SLCO1A2: variants seen among roughly 807,000 people sequenced by gnomAD.
SLCO1A2 encodes the protein solute carrier organic anion transporter family member 1A2, also known as OATP-1.
SLCO1A2 carries 67 observed loss-of-function variants against 69.0 expected under a neutral mutation model. That is an observed-to-expected ratio of 0.97 (90% CI 0.80 to 1.19). SLCO1A2 has a LOEUF of 1.19. SLCO1A2 is among the 50% of genes most tolerant of loss of function. SLCO1A2 has a pLI of 0.00. For synonymous variants in SLCO1A2, 260 were observed against 265.9 expected (o/e 0.98, Z 0.22); for missense variants, 787 against 793.7 (o/e 0.99, Z 0.10).
chr12:21,388,930 T>C (rs1160386324), intron 1 of SLCO1A2, among the ~76,000 whole-genome samples: 2 of 152,218 alleles, frequency 1.3e-5, no homozygotes, highest in South Asian at 4.1e-4. Flanking sequence ...CTAGACCCTT[T>C]TGTACCTCAT....
rs201167395 is a variant in SLCO1A2, at chr12:21,360,014, G to GT, written c.-63+14384dup. On this transcript the variant is annotated intron_variant, in intron 2 of 15. Coordinates refer to the SLCO1A2 transcript ENST00000307378. ...ATAAATTTCAAAATCATTATGCTAT[G>GT]TAAAAAAAAAAAGTCAGGCAAAAAG... 8.5e-3 allele frequency among the ~76,000 whole-genome samples: 1,283 copies of GT among 151,538 alleles called. 6 individuals carry two copies. The highest frequency in any genetic ancestry group is 0.015 in the Admixed American group (224 of 15,234).
intron 2 of SLCO1A2, among the ~76,000 whole-genome samples, chr12:21,369,558 G>A (rs1286714602): frequency 4.6e-5 from 7 of 152,194 alleles, no homozygotes; most frequent in African/African-American, 1.7e-4. Flanking sequence ...CCACCGTAGA[G>A]GTGTGAAGAT....
intron 4 of SLCO1A2, 131 bp from the exon 5 acceptor site, chr12:21,307,119 T>A: frequency 1.8e-6 from 1 of 563,488 alleles, no homozygotes; most frequent in Non-Finnish European, 3.0e-6. Flanking sequence ...CTTTTCATCC[T>A]TGGCATCCAA....
chr12:21,271,147 T>G (rs958331276), intron 14 of SLCO1A2, among the ~76,000 whole-genome samples: 1 of 151,834 alleles, frequency 6.6e-6, no homozygotes, highest in African/African-American at 2.4e-5. Flanking sequence ...ATTGTGAAGT[T>G]CTGAGTGAAT....
upstream of SLCO1A2, among the ~76,000 whole-genome samples, chr12:21,337,494 T>C (rs1487691337): frequency 6.6e-6 from 1 of 151,786 alleles, no homozygotes; most frequent in Non-Finnish European, 1.5e-5. Context: ...TAGTAGTACA[T>C]ACATGAAGAA....
At chr12:21,387,570 A>T (rs955145795) in intron 1 of SLCO1A2, among the ~76,000 whole-genome samples, 1 of 152,212 alleles carries the variant, frequency 6.6e-6, no homozygotes, top group Non-Finnish European at 1.5e-5. Context: ...CACAGAAGTC[A>T]AGAATTGAGG....
At chr12:21,312,015 G>A (rs60669991) in intron 4 of SLCO1A2, among the ~76,000 whole-genome samples, 10,016 of 149,132 alleles carry the variant, frequency 0.067, 1,100 homozygotes, top group African/African-American at 0.23. Flanking sequence ...AAGAAGAGGA[G>A]GAGGGAGGAG....
chr12:21,319,649 G>A lies in SLCO1A2; in HGVS notation c.61-726C>T, dbSNP rs760180169. On this transcript the variant is annotated intron_variant, in intron 2 of 14. Transcript: ENST00000683939. ...TTTTGGGAAGCTTTCCTGAACCTTGGAGAATCAGCTCACCTGGACCATTGG... is the reference window on the plus strand; with the variant it reads ...TTTTGGGAAGCTTTCCTGAACCTTGAAGAATCAGCTCACCTGGACCATTGG... 110 of 367,328 alleles carry A rather than the reference G, an allele frequency of 3.0e-4. 1 individual carries two copies. Among genetic ancestry groups the A allele is most frequent in the Admixed American group, 2.5e-4 (7 of 27,666 alleles). 22.8% of individuals were successfully genotyped at this position (367,328 alleles called of 1,614,324 possible). A position where few individuals can be genotyped will look rare whatever the true frequency, so the allele number is the denominator to read the frequency against.
chr12:21,323,663 T>C (rs1951923511), intron 2 of SLCO1A2, among the ~76,000 whole-genome samples: 1 of 152,206 alleles, frequency 6.6e-6, no homozygotes, highest in Non-Finnish European at 1.5e-5. Context: ...TCCAGAAGGC[T>C]TTGTCACAAG....
chr12:21,277,529 G>A (rs972409062), intron 12 of SLCO1A2, among the ~76,000 whole-genome samples: 33 of 152,222 alleles, frequency 2.2e-4, no homozygotes, highest in Admixed American at 1.8e-3. Context: ...AGGAAGCAAA[G>A]GGAATTCTGT....
intron 2 of SLCO1A2, among the ~76,000 whole-genome samples, chr12:21,342,592 A>ATTTAACAT (rs1178117990): frequency 6.6e-5 from 10 of 151,992 alleles, no homozygotes; most frequent in Admixed American, 5.3e-4. Flanking sequence ...CTCAACATTA[A>ATTTAACAT]TTTAACATAA....
chr12:21,359,551 C>G (rs1330275457), intron 2 of SLCO1A2, among the ~76,000 whole-genome samples: 1 of 152,116 alleles, frequency 6.6e-6, no homozygotes, highest in Admixed American at 6.5e-5. Context: ...ATGTAACACC[C>G]AATCAACATT....
At chr12:21,319,483 T>C (rs1352135714) in intron 2 of SLCO1A2, 1 of 1,364,120 alleles carries the variant, frequency 7.3e-7, no homozygotes, top group African/African-American at 1.5e-5. Context: ...GTCCTCATTC[T>C]TCCCATAGTA....
intron 11 of SLCO1A2, among the ~76,000 whole-genome samples, chr12:21,293,292 G>A (rs1190561777): frequency 6.6e-6 from 1 of 151,970 alleles, no homozygotes; most frequent in South Asian, 2.1e-4. Flanking sequence ...GACAGAGTGA[G>A]ACTCCATCTC....
rs1354069543 is a variant in SLCO1A2 at position 21,281,672 on chromosome 12, GAA to G, written c.1611-6250_1611-6249del. Among the ~76,000 whole-genome samples the G allele has an allele frequency of 9.9e-5, 15 of 151,850 alleles. No homozygotes were observed. In the East Asian group the frequency reaches 2.9e-3, roughly 29 times the overall value. On this transcript the variant is annotated intron_variant, in intron 12 of 14. Coordinates refer to ENST00000683939, the MANE Select transcript of SLCO1A2 (RefSeq NM_001386879.1). The stretch of plus-strand genomic sequence containing the variant: ...ATGACCCTTTAGCCAAAATAACTAG[GAA>G]AAAAGAGAGAAGACTCAAATAAATA...
Position 21,306,076 on chromosome 12 carries a change from A to G in SLCO1A2, c.442+806T>C, listed in dbSNP as rs113164589. On this transcript the variant is annotated intron_variant, in intron 5 of 14. Coordinates refer to ENST00000683939, the MANE Select transcript of SLCO1A2 (RefSeq NM_001386879.1). ...AAAGCACTATCTCCAGTAGAGGGGG[A>G]AAAAAAAAGAGCAGAAAGACAAGTT... Among the ~76,000 whole-genome samples, 1,470 of 151,188 alleles carry G rather than the reference A, an allele frequency of 9.7e-3. 22 individuals are homozygous for G. The highest frequency in any genetic ancestry group is 0.031 in the African/African-American group (1,300 of 41,310).
chr12:21,394,882 A>G (rs1941359310), intron 1 of SLCO1A2: 1 of 152,218 alleles, frequency 6.6e-6, no homozygotes, highest in South Asian at 2.1e-4. Flanking sequence ...TCCTTCCACT[A>G]CTATTTCACT....
intron 1 of SLCO1A2, among the ~76,000 whole-genome samples, chr12:21,392,605 T>G (rs914587826): frequency 6.6e-6 from 1 of 152,214 alleles, no homozygotes; most frequent in Non-Finnish European, 1.5e-5. Flanking sequence ...AAACGACTTT[T>G]ATTTTTATCT....
intron 14 of SLCO1A2, 159 bp downstream of exon 14, chr12:21,274,310 T>TA: frequency 1.9e-6 from 1 of 526,562 alleles, no homozygotes; most frequent in African/African-American, 1.9e-5. Context: ...ACAATTCTAG[T>TA]ATGCAAATAA....
Sources: allele counts gnomAD v4.1 joint callset (sites outside exome capture counted in the v4.1 genomes callset), GRCh38; gene constraint gnomAD v4.1.1; transcripts MANE v1.5; gene names NCBI Gene and HGNC (gene_info 2026-07-23, HGNC 2026-07-21).